The following PACS1 variants were observed in gnomAD, a reference collection of about 807,000 sequenced individuals.
The protein encoded by PACS1 is PACS-1.
In PACS1, 24 loss-of-function variants were observed where a neutral mutation model predicts 115.0. The ratio of observed to expected loss-of-function variants is 0.21; its 90% CI spans 0.15 to 0.29. The LOEUF is 0.29. Among genes scored for constraint, PACS1 ranks in the 10% least tolerant of loss-of-function variants. The probability of loss-of-function intolerance (pLI) is 1.00; values close to 1 mark genes in which losing one functional copy is unlikely to be tolerated. For synonymous variants in PACS1, 453 were observed against 504.5 expected, an observed-to-expected ratio of 0.90 and a Z score of 1.37; for missense variants, 838 against 1,251.2, an observed-to-expected ratio of 0.67 and a Z score of 4.98.
chr11:66,148,294 A>G (rs1016843444), intron 1 of PACS1, among the ~76,000 whole-genome samples: 3 of 152,102 alleles, frequency 2.0e-5, no homozygotes, highest in Admixed American at 6.5e-5. Flanking sequence ...AGCTGGGACT[A>G]CAGGCACACA....
At chr11:66,216,414 C>G (rs2134710881) in intron 5 of PACS1, 106 bp from the exon 6 acceptor site, 2 of 1,413,366 alleles carry the variant, frequency 1.4e-6, no homozygotes, top group Admixed American at 1.7e-5. Flanking sequence ...TCCCCTCCAC[C>G]CTGGCTGTGT....
chr11:66,108,068 T>A (rs1858092928), intron 1 of PACS1, among the ~76,000 whole-genome samples: 4 of 152,194 alleles, frequency 2.6e-5, no homozygotes, highest in Non-Finnish European at 5.9e-5. Context: ...AGGCTCATTT[T>A]CTAGTTTGAG....
intron 2 of PACS1, among the ~76,000 whole-genome samples, chr11:66,194,186 G>A (rs1032599680): frequency 5.3e-5 from 8 of 152,018 alleles, no homozygotes; most frequent in African/African-American, 1.2e-4. Context: ...GGATGGTCTC[G>A]ATCTCATGAC....
chr11:66,239,877 G>A (rs138446286), intron 21 of PACS1, among the ~76,000 whole-genome samples: 3 of 152,312 alleles, frequency 2.0e-5, no homozygotes, highest in East Asian at 3.9e-4. Context: ...ACATAAGAAC[G>A]TGGAAACCAG....
At chr11:66,160,015 T>C (rs1859450917) in intron 1 of PACS1, among the ~76,000 whole-genome samples, 1 of 152,244 alleles carries the variant, frequency 6.6e-6, no homozygotes, top group Admixed American at 6.5e-5. Context: ...CCTTAGTATA[T>C]TTATATTGAA....
At chr11:66,172,972 CT>C in intron 1 of PACS1, among the ~76,000 whole-genome samples, 1 of 107,660 alleles carries the variant, frequency 9.3e-6, no homozygotes, top group East Asian at 2.7e-4. Context: ...GAGACTCTGT[CT>C]CAAAAAAAAA....
chr11:66,213,601 A>C (rs780674025), intron 4 of PACS1, among the ~76,000 whole-genome samples: 20 of 152,252 alleles, frequency 1.3e-4, no homozygotes, highest in Admixed American at 5.2e-4. Context: ...GCTCGTGTCT[A>C]CACACGTCAC....
chr11:66,140,085 G>A (rs763064859), intron 1 of PACS1, among the ~76,000 whole-genome samples: 1 of 152,180 alleles, frequency 6.6e-6, no homozygotes, highest in Non-Finnish European at 1.5e-5. Flanking sequence ...CTCTGATGTG[G>A]TAAAAACCTT....
intron 2 of PACS1, among the ~76,000 whole-genome samples, chr11:66,200,240 A>C (rs1854752219): frequency 6.6e-6 from 1 of 151,984 alleles, no homozygotes; most frequent in Non-Finnish European, 1.5e-5. Flanking sequence ...AGAGTCATCT[A>C]CTCAGGAGTC....
At chr11:66,220,087 C>T (rs541134810) in intron 8 of PACS1, among the ~76,000 whole-genome samples, 130 of 152,228 alleles carry the variant, frequency 8.5e-4, no homozygotes, top group Admixed American at 5.9e-3. Context: ...ACAGACCCAG[C>T]GGATGCTGCT....
At chr11:66,091,850 C>T (rs11601139) in intron 1 of PACS1, among the ~76,000 whole-genome samples, 31,423 of 151,474 alleles carry the variant, frequency 0.21, 3,331 homozygotes, top group Middle Eastern at 0.29. Context: ...AGGACATGAA[C>T]TCATCATTTT....
intron 1 of PACS1, among the ~76,000 whole-genome samples, chr11:66,072,099 A>G (rs1171166728): frequency 1.3e-5 from 2 of 152,006 alleles, no homozygotes; most frequent in Non-Finnish European, 2.9e-5. Context: ...ATCTCTATAT[A>G]TTTTATAGTT....
At chr11:66,176,523 C>T (rs10791852) in intron 1 of PACS1, among the ~76,000 whole-genome samples, 31,104 of 151,402 alleles carry the variant, frequency 0.21, 3,268 homozygotes, top group Middle Eastern at 0.28. Flanking sequence ...AAAGGATTCT[C>T]CTGCCTCAGC....
chr11:66,110,224 T>C (rs557395777), intron 1 of PACS1, among the ~76,000 whole-genome samples: 2 of 152,306 alleles, frequency 1.3e-5, no homozygotes, highest in Non-Finnish European at 2.9e-5. Flanking sequence ...AAAGTACTTA[T>C]TACATGCCTG....
intron 1 of PACS1, among the ~76,000 whole-genome samples, chr11:66,132,423 C>CG (rs1214347503): frequency 6.6e-6 from 1 of 152,052 alleles, no homozygotes; most frequent in African/African-American, 2.4e-5. Flanking sequence ...AGTGTGAAAA[C>CG]GGATTAATAC....
chr11:66,231,867 A>C, intron 13 of PACS1: 1 of 299,572 alleles, frequency 3.3e-6, no homozygotes, highest in South Asian at 4.5e-5. Flanking sequence ...CCCTCCTGCC[A>C]CCCACACCGT....
At chr11:66,104,481 ATTG>A (rs1269210181) in intron 1 of PACS1, among the ~76,000 whole-genome samples, 1 of 152,126 alleles carries the variant, frequency 6.6e-6, no homozygotes, top group African/African-American at 2.4e-5. Flanking sequence ...TTGTTGATGT[ATTG>A]TTGTGTATGG....
chr11:66,133,431 A>G (rs902088377), intron 1 of PACS1, among the ~76,000 whole-genome samples: 1 of 152,182 alleles, frequency 6.6e-6, no homozygotes, highest in Admixed American at 6.5e-5. Flanking sequence ...GCTTGGGGCA[A>G]AGGATCTTGC....
At chr11:66,106,294 G>A (rs887662574) in intron 1 of PACS1, among the ~76,000 whole-genome samples, 3 of 152,146 alleles carry the variant, frequency 2.0e-5, no homozygotes, top group Non-Finnish European at 2.9e-5. Flanking sequence ...AAAAATGGCC[G>A]AGTGCAGTGG....
Sources: allele counts gnomAD v4.1 joint callset (sites outside exome capture counted in the v4.1 genomes callset), GRCh38; gene constraint gnomAD v4.1.1; transcripts MANE v1.5; gene names NCBI Gene and HGNC (gene_info 2026-07-23, HGNC 2026-07-21).